Variants in GSDME observed in about 807,000 individuals in gnomAD.
GSDME encodes gasdermin-E.
A neutral mutation model predicts 47.5 loss-of-function variants in GSDME; 44 were observed. The ratio of observed to expected loss-of-function variants is 0.93; its 90% CI spans 0.73 to 1.19. The LOEUF (loss-of-function observed/expected upper bound fraction) is 1.19, where lower values mean the gene tolerates loss of function less well. Ranked by LOEUF, GSDME falls within the 50% of genes most tolerant of loss-of-function variation. The pLI, the probability that GSDME is intolerant of heterozygous loss-of-function variation, is 0.00. For missense variants in GSDME, 663 were observed against 604.2 expected (o/e 1.10, Z -1.02); for synonymous variants, 258 against 252.8 (o/e 1.02, Z -0.20).
At chr7:24,707,534 C>T in intron 7 of GSDME, 1 of 414,442 alleles carries the variant, frequency 2.4e-6, no homozygotes, top group Non-Finnish European at 5.0e-6. Context: ...TGAGTAGTGG[C>T]CCACCAACAT....
chr7:24,731,351 G>A (rs1055213711), intron 3 of GSDME, among the ~76,000 whole-genome samples: 2 of 152,246 alleles, frequency 1.3e-5, no homozygotes, highest in Non-Finnish European at 2.9e-5. Context: ...TGGGGAACAC[G>A]GGTTGCATGC....
the GSDME span, among the ~76,000 whole-genome samples, chr7:24,783,133 A>T: frequency 6.6e-6 from 1 of 152,230 alleles, no homozygotes; most frequent in Non-Finnish European, 1.5e-5. Flanking sequence ...AAAATGAAAG[A>T]GGAAAAGGTA....
chr7:24,779,627 G>C, the GSDME span, among the ~76,000 whole-genome samples: 1 of 152,098 alleles, frequency 6.6e-6, no homozygotes, highest in African/African-American at 2.4e-5. The surrounding 1 kb of genome is among the most constrained non-coding windows in gnomAD (Gnocchi z 6.0). Flanking sequence ...ACATACATCT[G>C]TCATTTCACG....
At chr7:24,762,389 T>C (rs931399861), upstream of GSDME, among the ~76,000 whole-genome samples, 1 of 152,186 alleles carries the variant, frequency 6.6e-6, no homozygotes, top group African/African-American at 2.4e-5. Flanking sequence ...ATACCAGTAG[T>C]CAGCCACCAG....
At chr7:24,789,082 C>A in the GSDME span, among the ~76,000 whole-genome samples, 1 of 152,024 alleles carries the variant, frequency 6.6e-6, no homozygotes, top group Non-Finnish European at 1.5e-5. Flanking sequence ...AGTAACTCTG[C>A]AATATAGTGC....
intron 3 of GSDME, among the ~76,000 whole-genome samples, 193 bp from the exon 4 acceptor site, chr7:24,719,411 C>A (rs1293153533): frequency 6.6e-6 from 1 of 152,208 alleles, no homozygotes; most frequent in African/African-American, 2.4e-5. Flanking sequence ...CACCTCAGAG[C>A]TGCCGGGCCT....
At chr7:24,767,443 A>G in the GSDME span, among the ~76,000 whole-genome samples, 1 of 152,152 alleles carries the variant, frequency 6.6e-6, no homozygotes, top group African/African-American at 2.4e-5. This position sits in a 1 kb window ranked among gnomAD's most constrained non-coding sequence, Gnocchi z 5.3. Context: ...AAGTTTCTGT[A>G]TATGTATGCC....
chr7:24,739,000 T>G lies in GSDME; in HGVS notation c.404+5562A>C, dbSNP rs535517370. Reference sequence around the variant, plus strand: ...ACCAAATCAAAATGGATTAAACACTTAAATCTAAGACCTCAAACTATGAAA... The same window carrying G: ...ACCAAATCAAAATGGATTAAACACTGAAATCTAAGACCTCAAACTATGAAA... On this transcript the variant is annotated intron_variant, in intron 3 of 9. Transcript: ENST00000645220. Among the ~76,000 whole-genome samples, 6 of 152,292 alleles carry G rather than the reference T, an allele frequency of 3.9e-5. No individual in the cohort carries two copies. The East Asian group carries it at 1.2e-3, about 29-fold the overall frequency.
rs1789403730 is a variant in GSDME at position 24,712,737 on chromosome 7, G to A, written c.698-2349C>T. Among the ~76,000 whole-genome samples, 1 of 152,208 alleles carries A rather than the reference G, an allele frequency of 6.6e-6. No individual in the cohort carries two copies. The highest frequency in any genetic ancestry group is 1.5e-5 in the Non-Finnish European group (1 of 68,044). On this transcript the variant is annotated intron_variant, in intron 5 of 9. Coordinates refer to ENST00000645220, the MANE Select transcript of GSDME (RefSeq NM_001127453.2). This position sits in a 1 kb window ranked among gnomAD's most constrained non-coding sequence, Gnocchi z 4.4. The stretch of plus-strand genomic sequence containing the variant: ...TCACAACAGACAGATTAACAAGAGA[G>A]GCCAGGCACGGTGGCTCACACCTAT...
At chr7:24,783,792 G>A in the GSDME span, among the ~76,000 whole-genome samples, 1 of 152,130 alleles carries the variant, frequency 6.6e-6, no homozygotes, top group South Asian at 2.1e-4. Context: ...AGGGAGGGGA[G>A]GAGTCTAGAA....
chr7:24,725,431 G>A lies in GSDME; in HGVS notation c.405-6213C>T, dbSNP rs936466120. Among the ~76,000 whole-genome samples the A allele has an allele frequency of 5.9e-5, 9 of 152,062 alleles. No homozygotes were observed. In the South Asian group the frequency reaches 6.2e-4, roughly 11 times the overall value. On this transcript the variant is annotated intron_variant, in intron 3 of 9. Coordinates refer to ENST00000645220, the MANE Select transcript of GSDME (RefSeq NM_001127453.2). This position sits in a 1 kb window ranked among gnomAD's most constrained non-coding sequence, Gnocchi z 5.1. ...AGCCCTCAGCCAGGTGTAGGAGGAC[G>A]AGCCGCAGACAAAACTCCTCAGATA...
At chr7:24,766,393 T>C in the GSDME span, among the ~76,000 whole-genome samples, 1 of 152,098 alleles carries the variant, frequency 6.6e-6, no homozygotes, top group Admixed American at 6.5e-5. The surrounding 1 kb of genome is among the most constrained non-coding windows in gnomAD (Gnocchi z 4.2). Flanking sequence ...CATGGTGGTG[T>C]GCTGCACCCA....
intron 8 of GSDME, chr7:24,704,533 C>T (rs1789013389): frequency 6.6e-6 from 1 of 152,172 alleles, no homozygotes. Flanking sequence ...AGCCTGGCCT[C>T]CACTGGGACT....
At chr7:24,758,789 A>G (rs1791116546), upstream of GSDME, among the ~76,000 whole-genome samples, 1 of 151,776 alleles carries the variant, frequency 6.6e-6, no homozygotes, top group Non-Finnish European at 1.5e-5. The surrounding 1 kb of genome is among the most constrained non-coding windows in gnomAD (Gnocchi z 4.6). Flanking sequence ...TTCTCTTTGC[A>G]CTCACCACCA....
Position 24,721,342 on chromosome 7 carries a change from C to A in GSDME, c.405-2124G>T, listed in dbSNP as rs897087569. ...ATTCAAATTATAAAAATGTCTCACA[C>A]GTGATAAAAATACATTGATGACAAC... On this transcript the variant is annotated intron_variant, in intron 3 of 9. Coordinates refer to ENST00000645220, the MANE Select transcript of GSDME (RefSeq NM_001127453.2). This position sits in a 1 kb window ranked among gnomAD's most constrained non-coding sequence, Gnocchi z 4.1. Among the ~76,000 whole-genome samples the A allele has an allele frequency of 6.6e-6, 1 of 152,186 alleles. No homozygotes were observed. The highest frequency in any genetic ancestry group is 2.4e-5 in the African/African-American group (1 of 41,444).
chr7:24,788,140 G>T, the GSDME span, among the ~76,000 whole-genome samples: 1 of 152,220 alleles, frequency 6.6e-6, no homozygotes, highest in Non-Finnish European at 1.5e-5. The surrounding 1 kb of genome is among the most constrained non-coding windows in gnomAD (Gnocchi z 4.6). Context: ...CAAACACTCA[G>T]ACATGAACTA....
intron 4 of GSDME, among the ~76,000 whole-genome samples, chr7:24,718,423 G>T (rs979346609): frequency 2.0e-5 from 3 of 152,186 alleles, no homozygotes; most frequent in Non-Finnish European, 4.4e-5. Flanking sequence ...TAATCTAGAA[G>T]AATCTATGTA....
chr7:24,744,862 T>C lies in GSDME; in HGVS notation c.212-108A>G, dbSNP rs1245916696. On this transcript the variant is annotated intron_variant, in intron 2 of 9. Transcript: ENST00000645220. The surrounding 1 kb of genome is among the most constrained non-coding windows in gnomAD (Gnocchi z 4.5). ...TGCAGAGCCCCGGAAAGCAGAAGGCTGGCACTCAGATGGAAAGCCGGCAGC... is the reference window on the plus strand; with the variant it reads ...TGCAGAGCCCCGGAAAGCAGAAGGCCGGCACTCAGATGGAAAGCCGGCAGC... The C allele has an allele frequency of 8.0e-7, 1 of 1,243,986 alleles. No individual in the cohort carries two copies. The highest frequency in any genetic ancestry group is 2.5e-5 in the East Asian group (1 of 40,344). The allele number at this position is 1,243,986 out of a possible 1,614,324, so 77.1% of individuals were successfully genotyped here.
upstream of GSDME, among the ~76,000 whole-genome samples, chr7:24,762,402 G>A (rs1791180684): frequency 6.6e-6 from 1 of 152,140 alleles, no homozygotes; most frequent in African/African-American, 2.4e-5. Context: ...GCCACCAGAT[G>A]TCCAATTTAC....
Sources: gnomAD v4.1 joint callset for allele counts (sites outside exome capture counted in the v4.1 genomes callset) on GRCh38, gnomAD v4.1.1 for gene constraint, Gnocchi (gnomAD v3.1) non-coding constraint, MANE v1.5 for transcripts, NCBI Gene and HGNC (gene_info 2026-07-23, HGNC 2026-07-21) for gene names.